The following GOLGA5 variants were observed in gnomAD, a reference collection of about 807,000 sequenced individuals.
GOLGA5 encodes golgin subfamily A member 5.
In GOLGA5, 50 loss-of-function variants were observed where a neutral mutation model predicts 93.5. The ratio of observed to expected loss-of-function variants is 0.53; its 90% confidence interval spans 0.43 to 0.68. The LOEUF (loss-of-function observed/expected upper bound fraction) is 0.68. Among genes scored for constraint, GOLGA5 ranks in the 30% least tolerant of loss-of-function variants. The pLI, the probability that GOLGA5 is intolerant of heterozygous loss-of-function variation, is 0.00. For missense variants in GOLGA5, 760 were observed against 856.4 expected (o/e 0.89, Z 1.40); for synonymous variants, 312 against 304.5 (o/e 1.02, Z -0.26).
chr14:92,838,895 G>A (rs1033816141), intron 12 of GOLGA5, among the ~76,000 whole-genome samples: 2 of 152,048 alleles, frequency 1.3e-5, no homozygotes, highest in Admixed American at 6.5e-5. Context: ...CTACCATGAG[G>A]GAATTAAATT....
intron 6 of GOLGA5, among the ~76,000 whole-genome samples, chr14:92,815,538 T>G (rs1410080262): frequency 6.6e-6 from 1 of 152,044 alleles, no homozygotes; most frequent in Non-Finnish European, 1.5e-5. Flanking sequence ...GAAGAAAATG[T>G]GAGAAAAGTC....
chr14:92,828,478 T>G (rs942770754), intron 9 of GOLGA5, among the ~76,000 whole-genome samples: 2 of 152,202 alleles, frequency 1.3e-5, no homozygotes, highest in Non-Finnish European at 1.5e-5. Flanking sequence ...AAAATATTAC[T>G]GCTTATTGAC....
chr14:92,836,662 A>G (rs1323011761), intron 11 of GOLGA5, among the ~76,000 whole-genome samples: 1 of 152,212 alleles, frequency 6.6e-6, no homozygotes, highest in Admixed American at 6.5e-5. Context: ...TATCTATACA[A>G]AAGCTTCTAG....
Position 92,819,696 on chromosome 14 carries a change from TTTTCTC to T in GOLGA5, c.1492-8_1492-3del. The T allele has an allele frequency of 6.2e-7, 1 of 1,612,178 alleles. No homozygotes were observed. Among genetic ancestry groups the T allele is most frequent in the Non-Finnish European group, 8.5e-7 (1 of 1,178,814 alleles). On this transcript the variant is annotated splice_region_variant and splice_polypyrimidine_tract_variant and intron_variant, in intron 7 of 12. Transcript: ENST00000163416. ...TAATTATTGCTTTTACATGTAAGCT[TTTTCTC>T]TTTAGGATATGGAGGCACAGCAAGT...
chr14:92,813,323 G>A (rs1347898333), intron 6 of GOLGA5, among the ~76,000 whole-genome samples: 1 of 152,178 alleles, frequency 6.6e-6, no homozygotes, highest in African/African-American at 2.4e-5. Context: ...ATTCATCTTA[G>A]TGGAAAGAAA....
intron 6 of GOLGA5, among the ~76,000 whole-genome samples, chr14:92,814,805 A>G (rs1272664021): frequency 6.6e-6 from 1 of 152,090 alleles, no homozygotes; most frequent in Admixed American, 6.5e-5. Context: ...TTGCATGTCA[A>G]ATCTCTTCTT....
intron 1 of GOLGA5, among the ~76,000 whole-genome samples, chr14:92,796,873 G>A (rs1884741611): frequency 1.2e-5 from 1 of 81,588 alleles, no homozygotes; most frequent in Non-Finnish European, 2.3e-5. Context: ...GGGAGGCTGA[G>A]GCAGGAGAGT....
chr14:92,811,609 C>G lies in GOLGA5; in HGVS notation c.1175C>G (p.Ala392Gly). The G allele has an allele frequency of 1.2e-6, 2 of 1,612,954 alleles. No individual in the cohort carries two copies. The highest frequency in any genetic ancestry group is 1.7e-6 in the Non-Finnish European group (2 of 1,179,098). ...VEMERQNLAE[A>G]ITLAERKYSD... Reference sequence around the variant, plus strand: ...ATGGAACGTCAGAATTTAGCAGAAGCAATTACACTGGCCGAAAGAAAATAC... The same window carrying G: ...ATGGAACGTCAGAATTTAGCAGAAGGAATTACACTGGCCGAAAGAAAATAC... The change falls in exon 6 of 13, where the codon GCA becomes GGA. Residue 392 changes from alanine to glycine, a missense_variant. By Grantham distance (60) the Ala-to-Gly change is moderately conservative. Coordinates refer to ENST00000163416, the MANE Select transcript of GOLGA5 (RefSeq NM_005113.4).
Position 92,816,234 on chromosome 14 carries a change from T to G in GOLGA5, c.1321-17T>G. The G allele has an allele frequency of 6.4e-7, 1 of 1,565,128 alleles. No individual in the cohort carries two copies. The highest frequency in any genetic ancestry group is 1.1e-5 in the South Asian group (1 of 89,122). On this transcript the variant is annotated splice_polypyrimidine_tract_variant and intron_variant, in intron 6 of 12. Coordinates refer to ENST00000163416, the MANE Select transcript of GOLGA5 (RefSeq NM_005113.4). ...TAATCTCTGCTTTGCTTAAACATATTTCTTCTTTTATAATAGTCTAAGGAA... is the reference window on the plus strand; with the variant it reads ...TAATCTCTGCTTTGCTTAAACATATGTCTTCTTTTATAATAGTCTAAGGAA...
At chr14:92,799,162 A>T (rs942994901) in intron 2 of GOLGA5, among the ~76,000 whole-genome samples, 3 of 151,894 alleles carry the variant, frequency 2.0e-5, no homozygotes, top group Non-Finnish European at 4.4e-5. Context: ...TAATAGAAAC[A>T]GTGTCTCACT....
intron 2 of GOLGA5, among the ~76,000 whole-genome samples, chr14:92,799,443 A>T (rs947158850): frequency 0.021 from 2,785 of 131,236 alleles, 67 homozygotes; most frequent in Admixed American, 0.092. Context: ...CGCCTGGCTA[A>T]TTTTTTTTTT....
At chr14:92,807,494 G>C (rs17128578) in intron 3 of GOLGA5, among the ~76,000 whole-genome samples, 10,074 of 152,178 alleles carry the variant, frequency 0.066, 398 homozygotes, top group Middle Eastern at 0.12. Context: ...TCGCTTCTTT[G>C]GTCATCCTTT....
At chr14:92,802,338 G>GT (rs1019441351) in intron 2 of GOLGA5, among the ~76,000 whole-genome samples, 18 of 151,840 alleles carry the variant, frequency 1.2e-4, no homozygotes, top group South Asian at 2.1e-4. Context: ...ATTTTTTGTT[G>GT]TTTTTTTGTG....
intron 2 of GOLGA5, among the ~76,000 whole-genome samples, chr14:92,802,798 A>G (rs978933600): frequency 6.6e-6 from 1 of 150,992 alleles, no homozygotes; most frequent in African/African-American, 2.5e-5. Flanking sequence ...TGTGTTACCC[A>G]GGCTGGAATG....
At position 92,815,054 on chromosome 14, in the gene GOLGA5, C is replaced by G. The variant is rs375305189; in HGVS notation, c.1321-1197C>G. Among the ~76,000 whole-genome samples, 7 of 152,330 alleles carry G rather than the reference C, an allele frequency of 4.6e-5. No homozygotes were observed. The South Asian group carries it at 8.3e-4, about 18-fold the overall frequency. ...CAGGTTAGCCTCCTAAAATGCATCTCTAGTCATGTCACTCCTCTCTCTACT... is the reference window on the plus strand; with the variant it reads ...CAGGTTAGCCTCCTAAAATGCATCTGTAGTCATGTCACTCCTCTCTCTACT... On this transcript the variant is annotated intron_variant, in intron 6 of 12. Coordinates refer to ENST00000163416, the MANE Select transcript of GOLGA5 (RefSeq NM_005113.4).
chr14:92,810,374 G>T lies in GOLGA5; in HGVS notation c.1113G>T (p.Met371Ile). 6.4e-7 allele frequency: 1 copy of T among 1,573,350 alleles called. No homozygotes were observed. The highest frequency in any genetic ancestry group is 8.6e-7 in the Non-Finnish European group (1 of 1,164,128). Reference protein sequence around the residue: ...LKREQESYKQMQSEFAARLNK... With the variant: ...LKREQESYKQIQSEFAARLNK... Reference sequence around the variant, plus strand: ...GAGAGCAGGAGAGCTATAAACAGATGCAGGTTAGAATGAGAGACAGCAGAT... The same window carrying T: ...GAGAGCAGGAGAGCTATAAACAGATTCAGGTTAGAATGAGAGACAGCAGAT... The change falls in exon 5 of 13, where the codon ATG (methionine) becomes ATT (isoleucine). Residue 371 changes from methionine to isoleucine, a missense_variant. By Grantham distance (10) the Met-to-Ile change is conservative. Transcript: ENST00000163416.
chr14:92,817,712 A>C (rs1885238936), intron 7 of GOLGA5, among the ~76,000 whole-genome samples: 1 of 152,194 alleles, frequency 6.6e-6, no homozygotes, highest in Non-Finnish European at 1.5e-5. Flanking sequence ...GAGACTTGTG[A>C]ACTACAAAAG....
chr14:92,799,514 G>T (rs1207786313), intron 2 of GOLGA5, among the ~76,000 whole-genome samples: 1 of 147,756 alleles, frequency 6.8e-6, no homozygotes, highest in African/African-American at 2.5e-5. Flanking sequence ...TTGATCTCCT[G>T]ACCTTGTGAT....
chr14:92,827,120 T>C (rs985631344), intron 9 of GOLGA5, among the ~76,000 whole-genome samples: 2 of 152,238 alleles, frequency 1.3e-5, no homozygotes, highest in African/African-American at 4.8e-5. Context: ...GCACAGCCAT[T>C]TCTTTTAAAT....
Sources: allele counts gnomAD v4.1 joint callset (sites outside exome capture counted in the v4.1 genomes callset), GRCh38; gene constraint gnomAD v4.1.1; transcripts MANE v1.5; gene names NCBI Gene and HGNC (gene_info 2026-07-23, HGNC 2026-07-21).